Variants in TPRA1 observed in about 807,000 individuals in gnomAD.
The protein encoded by TPRA1 is transmembrane protein adipocyte-associated 1.
A neutral mutation model predicts 40.1 loss-of-function variants in TPRA1; 28 were observed. The ratio of observed to expected loss-of-function variants is 0.70; its 90% CI spans 0.52 to 0.96. The LOEUF (loss-of-function observed/expected upper bound fraction) is 0.96, where lower values mean the gene tolerates loss of function less well. Among genes scored for constraint, TPRA1 ranks in the 40% least tolerant of loss-of-function variants. TPRA1 has a pLI of 0.00. For missense variants in TPRA1, 441 were observed against 482.6 expected, an observed-to-expected ratio of 0.91 and a Z score of 0.81; for synonymous variants, 219 against 209.7, an observed-to-expected ratio of 1.04 and a Z score of -0.38.
intron 3 of TPRA1, among the ~76,000 whole-genome samples, chr3:127,578,648 C>T (rs2073726050): frequency 6.6e-6 from 1 of 152,190 alleles, no homozygotes; most frequent in Admixed American, 6.5e-5. Context: ...GGGAGAGAAG[C>T]AAAGAAAGCA....
chr3:127,575,057 T>G (rs747530492), intron 10 of TPRA1, 128 bp downstream of exon 10: 11 of 979,000 alleles, frequency 1.1e-5, no homozygotes, highest in East Asian at 5.2e-5. Context: ...CAAGTGCATG[T>G]ATGTATGTGC....
intron 1 of TPRA1, among the ~76,000 whole-genome samples, chr3:127,589,809 C>G (rs1398277146): frequency 1.3e-5 from 2 of 152,200 alleles, no homozygotes; most frequent in Admixed American, 1.3e-4. Context: ...CCTGGCACGA[C>G]ACGAGCCCTC....
intron 1 of TPRA1, 159 bp from the exon 2 acceptor site, chr3:127,580,322 GGT>G: frequency 1.3e-6 from 1 of 770,378 alleles, no homozygotes. Context: ...GCTCCACACA[GGT>G]CACGACCCAA....
chr3:127,578,553 A>G lies in TPRA1; in HGVS notation c.258+1187T>C, dbSNP rs148515054. Among the ~76,000 whole-genome samples the G allele has an allele frequency of 2.2e-3, 337 of 152,286 alleles. 3 individuals carry two copies. The highest frequency in any genetic ancestry group is 7.7e-3 in the African/African-American group (319 of 41,550). On this transcript the variant is annotated intron_variant, in intron 3 of 10. Coordinates refer to ENST00000355552, the MANE Select transcript of TPRA1 (RefSeq NM_001136053.4). ...CCCTGCCTGCACTCCCCCTTACCCCACAAAAGGACATCTGCCTAGCATACA... is the reference window on the plus strand; with the variant it reads ...CCCTGCCTGCACTCCCCCTTACCCCGCAAAAGGACATCTGCCTAGCATACA...
At position 127,573,551 on chromosome 3, in the gene TPRA1, G is replaced by C; in HGVS notation, c.1092C>G (p.Asp364Glu). 4.3e-6 allele frequency: 7 copies of C among 1,613,062 alleles called. No homozygotes were observed. Among genetic ancestry groups the C allele is most frequent in the Non-Finnish European group, 5.9e-6 (7 of 1,179,936 alleles). Residue 364 changes from aspartate to glutamate, a missense_variant, in exon 11 of 11, where the codon GAC (aspartate) becomes GAG (glutamate). By Grantham distance (45) the Asp-to-Glu change is conservative. Coordinates refer to ENST00000355552, the MANE Select transcript of TPRA1 (RefSeq NM_001136053.4). ...CATTGATGGCCTTCCAGCGCTCGCT[G>C]TCTGTGCTGTTGATGCTGCCAGTGT... Reference protein sequence around the residue: ...PCHTGSINSTDSERWKAINA With the variant: ...PCHTGSINSTESERWKAINA
At position 127,579,768 on chromosome 3, in the gene TPRA1, C is replaced by G. The variant is rs2073765493; in HGVS notation, c.230G>C (p.Ser77Thr). Residue 77 changes from serine (S) to threonine (T), a missense_variant, in exon 3 of 11, where the codon AGC becomes ACC. Coordinates refer to ENST00000355552, the MANE Select transcript of TPRA1 (RefSeq NM_001136053.4). ...SARAKIRITS[S>T]PIFITFYILV... ...GATGTAGAAGGTGATAAAAATGGGGCTGGAGGTGATGCGGATCTTCGCCCG... is the reference window on the plus strand; with the variant it reads ...GATGTAGAAGGTGATAAAAATGGGGGTGGAGGTGATGCGGATCTTCGCCCG... 1 of 1,614,142 alleles carries G rather than the reference C, an allele frequency of 6.2e-7. No individual in the cohort carries two copies. Among genetic ancestry groups the G allele is most frequent in the Non-Finnish European group, 8.5e-7 (1 of 1,180,026 alleles).
At chr3:127,575,655 T>G in intron 8 of TPRA1, 94 bp downstream of exon 8, 2 of 1,547,016 alleles carry the variant, frequency 1.3e-6, no homozygotes, top group Non-Finnish European at 1.8e-6. Flanking sequence ...AGCCTGGAAC[T>G]CTACAGCTCC....
upstream of TPRA1, among the ~76,000 whole-genome samples, chr3:127,593,849 C>G (rs1246454422): frequency 1.3e-5 from 2 of 152,230 alleles, no homozygotes; most frequent in African/African-American, 4.8e-5. Context: ...GATCACCACA[C>G]TTTTTCATCC....
At position 127,576,128 on chromosome 3, in the gene TPRA1, G is replaced by A; in HGVS notation, c.499-78C>T. On this transcript the variant is annotated intron_variant, in intron 6 of 10. Transcript: ENST00000355552. The surrounding 1 kb of genome is among the most constrained non-coding windows in gnomAD (Gnocchi z 4.6). ...TCCCAGGGGCTTTCCCTGATGCAAA[G>A]CCCCCTAAGCTCTCCACCACACCAA... 1.8e-6 allele frequency: 2 copies of A among 1,141,634 alleles called. No individual in the cohort carries two copies. The highest frequency in any genetic ancestry group is 2.6e-6 in the Non-Finnish European group (2 of 771,520). The allele number at this position is 1,141,634 out of a possible 1,614,324, so 70.7% of individuals were successfully genotyped here.
At chr3:127,575,063 T>C in intron 10 of TPRA1, 122 bp downstream of exon 10, 1 of 1,050,182 alleles carries the variant, frequency 9.5e-7, no homozygotes, top group Non-Finnish European at 1.4e-6. Flanking sequence ...CATGTATGTA[T>C]GTGCGTGCGC....
In TPRA1 at chr3:127,573,789, C is replaced by T; in HGVS notation, c.855-1G>A. 2 of 1,556,992 alleles carry T rather than the reference C, an allele frequency of 1.3e-6. No individual in the cohort carries two copies. The highest frequency in any genetic ancestry group is 1.7e-6 in the Non-Finnish European group (2 of 1,146,826). The stretch of plus-strand genomic sequence containing the variant: ...GGAGAAGAGGATCTTGGGCTCCGAG[C>T]TGATAAAAGGAAAAGAGGGGCATGG... On this transcript the variant is annotated splice_acceptor_variant, in intron 10 of 10. Transcript: ENST00000355552. LOFTEE classifies it high-confidence loss of function.
chr3:127,596,945 A>C (rs2720262), intron 1 of TPRA1, among the ~76,000 whole-genome samples: 82,021 of 151,876 alleles, frequency 0.54, 22,496 homozygotes, highest in East Asian at 0.73. Context: ...GTGAAATCCC[A>C]TCTCTACTAA....
chr3:127,588,732 T>C (rs1278436832), intron 1 of TPRA1, among the ~76,000 whole-genome samples: 1 of 152,182 alleles, frequency 6.6e-6, no homozygotes, highest in Non-Finnish European at 1.5e-5. Context: ...GCACTGACTT[T>C]TAGTTAATAG....
rs1390438438 is a variant in TPRA1 at position 127,590,611 on chromosome 3, G to A, written c.-219C>T. 1 of 152,148 alleles carries A rather than the reference G, an allele frequency of 6.6e-6. No individual in the cohort carries two copies. Among genetic ancestry groups the A allele is most frequent in the Non-Finnish European group, 1.5e-5 (1 of 68,006 alleles). 9.4% of individuals were successfully genotyped at this position (152,148 alleles called of 1,614,324 possible). ...ATGAGGGCTAGGCAGGAAAGGCGAG[G>A]CGGGGTCAGCTCGCCGGGCCGCGGG... is the stretch of plus-strand genomic sequence containing the variant. On this transcript the variant is annotated 5_prime_UTR_variant, in exon 1 of 11. Transcript: ENST00000355552.
At chr3:127,584,970 C>T (rs938816263) in intron 1 of TPRA1, among the ~76,000 whole-genome samples, 4 of 152,106 alleles carry the variant, frequency 2.6e-5, no homozygotes, top group Non-Finnish European at 5.9e-5. Context: ...AGGCAGAAAC[C>T]CTGTACGAGG....
In TPRA1 at chr3:127,573,420, C is replaced by T. The variant is rs1265596919; in HGVS notation, c.*101G>A. The T allele has an allele frequency of 3.5e-6, 5 of 1,433,654 alleles. No homozygotes were observed. The highest frequency in any genetic ancestry group is 4.6e-6 in the Non-Finnish European group (5 of 1,079,960). 88.8% of individuals were successfully genotyped at this position (1,433,654 alleles called of 1,614,324 possible). ...GTGGGAACAGGGCCACACAGGGCTA[C>T]TGCCCACAGAACGTCCCTTGACCTG... is the stretch of plus-strand genomic sequence containing the variant. On this transcript the variant is annotated 3_prime_UTR_variant, in exon 11 of 11. Transcript: ENST00000355552.
chr3:127,589,228 AC>A (rs1052431842), intron 1 of TPRA1, among the ~76,000 whole-genome samples: 1 of 145,704 alleles, frequency 6.9e-6, no homozygotes, highest in African/African-American at 2.5e-5. Context: ...GCAATGCAGG[AC>A]CCGCTGAGAA....
Position 127,572,150 on chromosome 3 carries a change from C to A in TPRA1, c.*1371G>T, listed in dbSNP as rs1246905115. ...CCCTGTCCGCTATCAACCCTCCAGG[C>A]CCTCCCAGGGAGCCTGACACATTGG... On this transcript the variant is annotated 3_prime_UTR_variant, in exon 11 of 11. Transcript: ENST00000355552. Among the ~76,000 whole-genome samples the A allele has an allele frequency of 1.3e-5, 2 of 152,240 alleles. No individual in the cohort carries two copies. Among genetic ancestry groups the A allele is most frequent in the African/African-American group, 2.4e-5 (1 of 41,458 alleles).
chr3:127,587,104 A>G (rs552860939), intron 1 of TPRA1: 2 of 152,352 alleles, frequency 1.3e-5, no homozygotes, highest in African/African-American at 4.8e-5. Context: ...ACCCTGGCCA[A>G]TGAAAATCTG....
Sources: gnomAD v4.1 joint callset for allele counts (sites outside exome capture counted in the v4.1 genomes callset) on GRCh38, gnomAD v4.1.1 for gene constraint, Gnocchi (gnomAD v3.1) non-coding constraint, MANE v1.5 for transcripts, NCBI Gene and HGNC (gene_info 2026-07-23, HGNC 2026-07-21) for gene names.